ELK4: variants seen among roughly 807,000 people sequenced by gnomAD.
ELK4 encodes ETS transcription factor ELK4, also known as ETS domain-containing protein Elk-4.
Under a neutral mutation model 29.6 loss-of-function variants are expected in ELK4, and 16 were observed. That is an observed-to-expected ratio of 0.54 (90% CI 0.37 to 0.82). The LOEUF (loss-of-function observed/expected upper bound fraction) is 0.82. Ranked by LOEUF, ELK4 falls within the 40% of genes least tolerant of loss-of-function variation. ELK4 has a pLI of 0.00. For synonymous variants in ELK4, 213 were observed against 191.1 expected (o/e 1.11, Z -0.95); for missense variants, 465 against 507.1 (o/e 0.92, Z 0.80).
Position 205,610,837 on chromosome 1 carries a change from C to T in ELK4, c.*5709G>A, listed in dbSNP as rs1263340880. On this transcript the variant is annotated 3_prime_UTR_variant, in exon 5 of 5. Transcript: ENST00000357992. ...GTATATATGCATACACATACATTTACTAGGACAATAAATCAGAATGACTTG... is the reference window on the plus strand; with the variant it reads ...GTATATATGCATACACATACATTTATTAGGACAATAAATCAGAATGACTTG... 4.3e-6 allele frequency: 1 copy of T among 230,802 alleles called. No homozygotes were observed. Among genetic ancestry groups the T allele is most frequent in the Non-Finnish European group, 8.6e-6 (1 of 116,686 alleles). The allele number at this position is 230,802 out of a possible 1,614,324, so 14.3% of individuals were successfully genotyped here.
At chr1:205,626,852 C>G (rs1217287101) in intron 1 of ELK4, among the ~76,000 whole-genome samples, 2 of 152,182 alleles carry the variant, frequency 1.3e-5, no homozygotes, top group Non-Finnish European at 2.9e-5. Flanking sequence ...TTACACAGGA[C>G]TGTTCATAGC....
intron 1 of ELK4, chr1:205,626,046 A>T (rs1670450880): frequency 7.2e-7 from 1 of 1,389,636 alleles, no homozygotes; most frequent in Admixed American, 1.7e-5. Flanking sequence ...CTTTGTCAAC[A>T]ATGTCATTCT....
intron 1 of ELK4, chr1:205,626,087 C>T: frequency 1.1e-6 from 1 of 940,182 alleles, no homozygotes; most frequent in Middle Eastern, 2.3e-4. Context: ...GTCAGCTCTA[C>T]CAGGAACACC....
rs1477238399 is a variant in ELK4, at chr1:205,617,406, G to A, written c.1198-762C>T. 2.0e-5 allele frequency among the ~76,000 whole-genome samples: 3 copies of A among 152,046 alleles called. No homozygotes were observed. The East Asian group carries it at 5.8e-4, about 29-fold the overall frequency. On this transcript the variant is annotated intron_variant, in intron 4 of 4. Transcript: ENST00000357992. ...GAATTGACTCCAAGAAAGTCTTTAA[G>A]TTATAACATCTAAGTGTTTTGGGCA...
chr1:205,629,427 A>G (rs889294010), intron 1 of ELK4, among the ~76,000 whole-genome samples: 10 of 152,200 alleles, frequency 6.6e-5, no homozygotes, highest in Non-Finnish European at 1.2e-4. Flanking sequence ...TGATTTCATC[A>G]GATATAAAAG....
At chr1:205,630,739 A>G (rs978865883) in intron 1 of ELK4, among the ~76,000 whole-genome samples, 6 of 152,242 alleles carry the variant, frequency 3.9e-5, no homozygotes, top group Non-Finnish European at 8.8e-5. Flanking sequence ...AATCAAAGAG[A>G]AGAGTGTTCC....
rs1164044950 is a variant in ELK4 at position 205,608,450 on chromosome 1, C to A, written c.*8096G>T. On this transcript the variant is annotated 3_prime_UTR_variant, in exon 5 of 5. Coordinates refer to ENST00000357992, the MANE Select transcript of ELK4 (RefSeq NM_001973.4). Reference sequence around the variant, plus strand: ...AGAGCAATATCCCTTTGTTTCCCAACAGGTAAGTCAGACTGCTTAGCTAGG... The same window carrying A: ...AGAGCAATATCCCTTTGTTTCCCAAAAGGTAAGTCAGACTGCTTAGCTAGG... 1.0e-5 allele frequency: 2 copies of A among 197,454 alleles called. No individual in the cohort carries two copies. Among genetic ancestry groups the A allele is most frequent in the East Asian group, 1.6e-4 (2 of 12,654 alleles). The allele number at this position is 197,454 out of a possible 1,614,324, so 12.2% of individuals were successfully genotyped here.
Position 205,616,615 on chromosome 1 carries a change from T to A in ELK4, c.1227A>T (p.Pro409=). ...QFPSVLNSHG[P]FTLSGLDGPS... is the part of the protein sequence containing the mutation. ...GTCCATCCAGCCCAGACAGAGTGAA[T>A]GGCCCATGACTGTTCAGTACAGAAG... Residue 409 remains proline (P), a synonymous_variant, in exon 5 of 5, where the codon CCA becomes CCT. Coordinates refer to ENST00000357992, the MANE Select transcript of ELK4 (RefSeq NM_001973.4). 6.2e-7 allele frequency: 1 copy of A among 1,614,148 alleles called. No individual in the cohort carries two copies. The highest frequency in any genetic ancestry group is 1.3e-5 in the African/African-American group (1 of 75,040).
At chr1:205,626,170 C>G in intron 1 of ELK4, 1 of 635,990 alleles carries the variant, frequency 1.6e-6, no homozygotes, top group African/African-American at 1.8e-5. Flanking sequence ...TACCCCTGAG[C>G]TGGAAGGGGG....
rs1670101956 is a variant in ELK4 at position 205,608,216 on chromosome 1, T to C, written c.*8330A>G. On this transcript the variant is annotated 3_prime_UTR_variant, in exon 5 of 5. Coordinates refer to ENST00000357992, the MANE Select transcript of ELK4 (RefSeq NM_001973.4). ...AAAACCTGGGAAGTGATAGAAAAAATGATCACCTGATTGGTCAGAGCAACC... is the reference window on the plus strand; with the variant it reads ...AAAACCTGGGAAGTGATAGAAAAAACGATCACCTGATTGGTCAGAGCAACC... 1 of 192,028 alleles carries C rather than the reference T, an allele frequency of 5.2e-6. No homozygotes were observed. Among genetic ancestry groups the C allele is most frequent in the South Asian group, 1.9e-4 (1 of 5,158 alleles). 11.9% of individuals were successfully genotyped at this position (192,028 alleles called of 1,614,324 possible).
In ELK4 at chr1:205,611,957, T is replaced by C. The variant is rs565111581; in HGVS notation, c.*4589A>G. 1 of 186,060 alleles carries C rather than the reference T, an allele frequency of 5.4e-6. No homozygotes were observed. The highest frequency in any genetic ancestry group is 8.7e-5 in the East Asian group (1 of 11,492). 11.5% of individuals were successfully genotyped at this position (186,060 alleles called of 1,614,324 possible). A position where few individuals can be genotyped will look rare whatever the true frequency, so the allele number is the denominator to read the frequency against. ...AACTTATTAATGCAGCAAGAAAATG[T>C]AACTTGTTATATATTTTAACATAAA... On this transcript the variant is annotated 3_prime_UTR_variant, in exon 5 of 5. Transcript: ENST00000357992.
rs770564510 is a variant in ELK4, at chr1:205,620,624, T to C, written c.422A>G (p.Tyr141Cys). Reference protein sequence around the residue: ...PGAKTSSRNDYIHSGLYSSFT... With the variant: ...PGAKTSSRNDCIHSGLYSSFT... Reference sequence around the variant, plus strand: ...TGAAGAATATAAGCCAGAGTGTATGTAGTCATTGCGGCTAGAGGTCTTGGC... The same window carrying C: ...TGAAGAATATAAGCCAGAGTGTATGCAGTCATTGCGGCTAGAGGTCTTGGC... The change falls in exon 3 of 5, where the codon TAC becomes TGC. Residue 141 changes from tyrosine to cysteine, a missense_variant. Coordinates refer to ENST00000357992, the MANE Select transcript of ELK4 (RefSeq NM_001973.4). The C allele has an allele frequency of 2.5e-6, 4 of 1,614,176 alleles. No individual in the cohort carries two copies. Among genetic ancestry groups the C allele is most frequent in the Non-Finnish European group, 2.5e-6 (3 of 1,180,032 alleles).
chr1:205,618,974 C>T lies in ELK4; in HGVS notation c.1180G>A (p.Ala394Thr). 1 of 1,609,590 alleles carries T rather than the reference C, an allele frequency of 6.2e-7. No homozygotes were observed. The highest frequency in any genetic ancestry group is 2.2e-5 in the East Asian group (1 of 44,776). The change falls in exon 4 of 5, where the codon GCT becomes ACT. Residue 394 changes from alanine (A) to threonine (T), a missense_variant. By Grantham distance (58) the Ala-to-Thr change is moderately conservative. Transcript: ENST00000357992. ...APLSPARLQG[A>T]NTLFQFPSVL... ...AAAATTACCTGGAAAAGTGTGTTAG[C>T]ACCTTGCAGTCTGGCTGGACTTAGG... is the stretch of plus-strand genomic sequence containing the variant.
intron 4 of ELK4, 142 bp downstream of exon 4, chr1:205,618,815 C>A: frequency 3.7e-6 from 2 of 546,184 alleles, no homozygotes; most frequent in South Asian, 2.2e-5. Flanking sequence ...ATGGTGAGGA[C>A]TCCATCTCAA....
chr1:205,626,047 A>C, intron 1 of ELK4: 1 of 1,382,398 alleles, frequency 7.2e-7, no homozygotes, highest in Admixed American at 1.7e-5. Flanking sequence ...TTTGTCAACA[A>C]TGTCATTCTG....
intron 2 of ELK4, 55 bp downstream of exon 2, chr1:205,623,621 G>C: frequency 1.3e-6 from 2 of 1,593,016 alleles, no homozygotes; most frequent in East Asian, 2.2e-5. Context: ...AGCCAAGAAG[G>C]AATCGTTCTT....
Position 205,631,732 on chromosome 1 carries a change from G to A in ELK4, c.-110C>T. The stretch of plus-strand genomic sequence containing the variant: ...ACGCTGGAAACTCGAGGACGGCGCG[G>A]CAGCCGCTGCGACCCCCGCGGCGGA... On this transcript the variant is annotated 5_prime_UTR_variant, in exon 1 of 5. Transcript: ENST00000357992. 6.4e-6 allele frequency: 2 copies of A among 310,266 alleles called. No individual in the cohort carries two copies. The highest frequency in any genetic ancestry group is 6.8e-6 in the Non-Finnish European group (1 of 147,736). 19.2% of individuals were successfully genotyped at this position (310,266 alleles called of 1,614,324 possible).
Position 205,613,719 on chromosome 1 carries a change from G to C in ELK4, c.*2827C>G, listed in dbSNP as rs1485735754. 1 of 131,328 alleles carries C rather than the reference G, an allele frequency of 7.6e-6. No homozygotes were observed. Among genetic ancestry groups the C allele is most frequent in the African/African-American group, 3.3e-5 (1 of 30,634 alleles). The allele number at this position is 131,328 out of a possible 1,614,324, so 8.1% of individuals were successfully genotyped here. A position where few individuals can be genotyped will look rare whatever the true frequency, so the allele number is the denominator to read the frequency against. On this transcript the variant is annotated 3_prime_UTR_variant, in exon 5 of 5. Transcript: ENST00000357992. ...TGTTAAACATTTCTAGCACACGACT[G>C]AGTGGATAGCGACCAGAGCAGAAGG...
chr1:205,617,364 A>C (rs1015256456), intron 4 of ELK4, among the ~76,000 whole-genome samples: 1 of 152,232 alleles, frequency 6.6e-6, no homozygotes, highest in Non-Finnish European at 1.5e-5. Context: ...GAGATAGTCA[A>C]CCATGAATAA....
Sources: gnomAD v4.1 joint callset for allele counts (sites outside exome capture counted in the v4.1 genomes callset) on GRCh38, gnomAD v4.1.1 for gene constraint, MANE v1.5 for transcripts, NCBI Gene and HGNC (gene_info 2026-07-23, HGNC 2026-07-21) for gene names.